ANO2: variants seen among roughly 807,000 people sequenced by gnomAD.
ANO2 encodes anoctamin-2.
A neutral mutation model predicts 124.2 loss-of-function variants in ANO2; 101 were observed. The observed-to-expected ratio is 0.81, with a 90% CI of 0.69 to 0.96. The LOEUF (loss-of-function observed/expected upper bound fraction) is 0.96, where lower values mean the gene tolerates loss of function less well. ANO2 is among the 40% of genes least tolerant of loss of function. The probability of loss-of-function intolerance (pLI) is 0.00; values close to 1 mark genes in which losing one functional copy is unlikely to be tolerated. For synonymous variants in ANO2, 486 were observed against 482.5 expected, an observed-to-expected ratio of 1.01 and a Z score of -0.09; for missense variants, 1,293 against 1,274.5, an observed-to-expected ratio of 1.01 and a Z score of -0.22.
intron 13 of ANO2, chr12:5,733,302 A>T (rs1591537934): frequency 7.4e-6 from 2 of 269,710 alleles, no homozygotes; most frequent in East Asian, 1.6e-4. Flanking sequence ...GTTGTGAGTC[A>T]CCAGGCATGG....
At chr12:5,623,313 C>T (rs376519285) in intron 16 of ANO2, among the ~76,000 whole-genome samples, 9 of 152,216 alleles carry the variant, frequency 5.9e-5, no homozygotes, top group African/African-American at 1.9e-4. Context: ...AGCACCTCCG[C>T]CGGGAAGCAC....
chr12:5,857,580 T>G (rs1201609870), intron 3 of ANO2, among the ~76,000 whole-genome samples: 9 of 152,186 alleles, frequency 5.9e-5, no homozygotes, highest in African/African-American at 2.2e-4. Context: ...TGGGGTGAGA[T>G]GATATCTAAT....
chr12:5,766,139 G>A (rs1951881804), intron 10 of ANO2, among the ~76,000 whole-genome samples: 1 of 152,192 alleles, frequency 6.6e-6, no homozygotes, highest in South Asian at 2.1e-4. Context: ...TGGAAAAACT[G>A]CTTGTGGCAT....
intron 20 of ANO2, among the ~76,000 whole-genome samples, chr12:5,598,088 C>A (rs1943750512): frequency 6.6e-6 from 1 of 152,132 alleles, no homozygotes; most frequent in Non-Finnish European, 1.5e-5. Flanking sequence ...GCCCATTACT[C>A]CACTGCTAAC....
chr12:5,909,645 C>T (rs564260804), intron 3 of ANO2, among the ~76,000 whole-genome samples: 14 of 152,198 alleles, frequency 9.2e-5, no homozygotes, highest in Non-Finnish European at 1.6e-4. Flanking sequence ...GCTGTGCACA[C>T]GGAGAGGCAG....
intron 13 of ANO2, among the ~76,000 whole-genome samples, chr12:5,736,036 A>T (rs1305850215): frequency 1.3e-5 from 2 of 152,232 alleles, no homozygotes; most frequent in Non-Finnish European, 2.9e-5. Context: ...GCTGAAGATT[A>T]TCCCATTTTA....
At chr12:5,731,445 A>G (rs562880050) in intron 14 of ANO2, among the ~76,000 whole-genome samples, 2 of 152,344 alleles carry the variant, frequency 1.3e-5, no homozygotes, top group South Asian at 2.1e-4. Context: ...GCATGTTAAC[A>G]TGAATGGTTC....
chr12:5,716,846 T>C (rs1950042833), intron 14 of ANO2, among the ~76,000 whole-genome samples: 3 of 152,168 alleles, frequency 2.0e-5, no homozygotes. Context: ...GCAGTAACTC[T>C]TCCAAGCTTA....
At chr12:5,882,092 T>C (rs1384104343) in intron 3 of ANO2, among the ~76,000 whole-genome samples, 1 of 152,132 alleles carries the variant, frequency 6.6e-6, no homozygotes, top group Non-Finnish European at 1.5e-5. Flanking sequence ...AGACAAGTAT[T>C]TTTTTTCTTC....
intron 14 of ANO2, among the ~76,000 whole-genome samples, chr12:5,685,869 C>T (rs1051702501): frequency 3.3e-5 from 5 of 152,200 alleles, no homozygotes; most frequent in African/African-American, 4.8e-5. Flanking sequence ...AGAATGGTGA[C>T]GTAGGCTTCT....
At chr12:5,882,840 G>C (rs2137299925) in intron 3 of ANO2, among the ~76,000 whole-genome samples, 1 of 152,328 alleles carries the variant, frequency 6.6e-6, no homozygotes, top group African/African-American at 2.4e-5. Context: ...AGAGGGCATT[G>C]CATAGACCAC....
chr12:5,563,401 T>C lies in ANO2; in HGVS notation c.2895A>G (p.Gly965=), dbSNP rs1941557757. The change falls in exon 25 of 25, where the codon GGA becomes GGG. Residue 965 remains glycine, a synonymous_variant. Transcript: ENST00000682330. ...LMDEPALRSP[G]GGDRSRSRAA... is the part of the protein sequence containing the mutation. ...CCCGGCTCCTGCTTCGATCCCCACC[T>C]CCTGGGCTCCTCAGAGCCGGCTCAT... 1 of 1,610,152 alleles carries C rather than the reference T, an allele frequency of 6.2e-7. No homozygotes were observed. The highest frequency in any genetic ancestry group is 8.5e-7 in the Non-Finnish European group (1 of 1,178,464).
chr12:5,827,634 C>T, intron 7 of ANO2, 135 bp downstream of exon 7: 17 of 1,084,546 alleles, frequency 1.6e-5, no homozygotes, highest in Non-Finnish European at 2.3e-5. Context: ...CTTCTCAGCC[C>T]AAGCTAAGCA....
chr12:5,753,490 T>C (rs1174714875), intron 10 of ANO2, among the ~76,000 whole-genome samples: 3 of 152,190 alleles, frequency 2.0e-5, no homozygotes, highest in Non-Finnish European at 2.9e-5. Context: ...ATTTTTTCAT[T>C]TTGGCAGAGT....
chr12:5,574,008 G>A (rs921921792), intron 23 of ANO2, among the ~76,000 whole-genome samples: 1 of 152,228 alleles, frequency 6.6e-6, no homozygotes, highest in Admixed American at 6.5e-5. Context: ...AAGCATGGCA[G>A]ACATGCCCAG....
At chr12:5,863,422 C>T (rs1344779166) in intron 3 of ANO2, among the ~76,000 whole-genome samples, 2 of 152,200 alleles carry the variant, frequency 1.3e-5, no homozygotes, top group Admixed American at 1.3e-4. Flanking sequence ...GGTTCTGGAG[C>T]CTGAGGACCA....
chr12:5,589,450 AC>A (rs1943286774), intron 20 of ANO2, among the ~76,000 whole-genome samples: 1 of 152,118 alleles, frequency 6.6e-6, no homozygotes, highest in Non-Finnish European at 1.5e-5. Context: ...AGAATTGACC[AC>A]GGCTCAGCAT....
chr12:5,642,578 G>A (rs1358246909), intron 15 of ANO2, among the ~76,000 whole-genome samples: 1 of 152,158 alleles, frequency 6.6e-6, no homozygotes, highest in Non-Finnish European at 1.5e-5. Flanking sequence ...CCTACTTGAT[G>A]TCCCTCTTCC....
At chr12:5,822,642 T>C (rs1953840969) in intron 7 of ANO2, among the ~76,000 whole-genome samples, 1 of 152,300 alleles carries the variant, frequency 6.6e-6, no homozygotes, top group East Asian at 1.9e-4. Context: ...AGCTACATGA[T>C]GGCAGGTTGA....
Sources: allele counts gnomAD v4.1 joint callset (sites outside exome capture counted in the v4.1 genomes callset), GRCh38; gene constraint gnomAD v4.1.1; transcripts MANE v1.5; gene names NCBI Gene and HGNC (gene_info 2026-07-23, HGNC 2026-07-21).